ROBO2: variants seen among roughly 807,000 people sequenced by gnomAD.
ROBO2 encodes the protein roundabout homolog 2.
Under a neutral mutation model 160.8 loss-of-function variants are expected in ROBO2, and 53 were observed. The observed-to-expected ratio is 0.33, with a 90% CI of 0.26 to 0.41. The LOEUF (loss-of-function observed/expected upper bound fraction) is 0.41. ROBO2 is among the 10% of genes least tolerant of loss of function. ROBO2 has a pLI of 1.00. For synonymous variants in ROBO2, 664 were observed against 611.7 expected (o/e 1.09, Z -1.26); for missense variants, 1,577 against 1,722.4 (o/e 0.92, Z 1.49).
intron 4 of ROBO2, among the ~76,000 whole-genome samples, chr3:77,484,217 T>C (rs1331808346): frequency 6.6e-6 from 1 of 152,026 alleles, no homozygotes; most frequent in Admixed American, 6.6e-5. Context: ...GCCCAATCTA[T>C]ACACCTTCCT....
chr3:77,371,805 C>A (rs1047821302), intron 2 of ROBO2, among the ~76,000 whole-genome samples: 1 of 152,144 alleles, frequency 6.6e-6, no homozygotes, highest in African/African-American at 2.4e-5. Flanking sequence ...CGGGACCAGG[C>A]ATGTGTTACC....
At chr3:77,295,944 T>C (rs2062042205) in intron 2 of ROBO2, among the ~76,000 whole-genome samples, 1 of 111,274 alleles carries the variant, frequency 9.0e-6, no homozygotes, top group Non-Finnish European at 2.0e-5. Context: ...AAATTGATGG[T>C]TAAACGGGTA....
chr3:77,511,182 G>A (rs1025449685), intron 5 of ROBO2, among the ~76,000 whole-genome samples: 2 of 152,018 alleles, frequency 1.3e-5, no homozygotes, highest in South Asian at 2.1e-4. Context: ...GAACTTTACA[G>A]CTGGCCACAA....
At chr3:77,172,917 C>A (rs1298553065) in intron 2 of ROBO2, among the ~76,000 whole-genome samples, 1 of 152,206 alleles carries the variant, frequency 6.6e-6, no homozygotes, top group Non-Finnish European at 1.5e-5. Context: ...GACCCTCCTA[C>A]TTGTCAGAAC....
chr3:75,927,708 C>T (rs1353117069), intron 1 of ROBO2, among the ~76,000 whole-genome samples: 1 of 152,180 alleles, frequency 6.6e-6, no homozygotes, highest in Admixed American at 6.5e-5. Flanking sequence ...TTCCCAAATG[C>T]CAGCATGGCC....
intron 2 of ROBO2, among the ~76,000 whole-genome samples, chr3:76,226,602 C>T (rs992014276): frequency 6.6e-6 from 1 of 151,930 alleles, no homozygotes; most frequent in Non-Finnish European, 1.5e-5. Context: ...TTTTTATTGT[C>T]TCAAGTTAGA....
intron 2 of ROBO2, among the ~76,000 whole-genome samples, chr3:77,325,145 A>G (rs1261528863): frequency 1.3e-5 from 2 of 152,234 alleles, no homozygotes; most frequent in Non-Finnish European, 2.9e-5. Context: ...TACCACATGC[A>G]TAATGAAGTG....
rs935715135 is a variant in ROBO2, at chr3:76,563,105, AT to A, written c.110-534898del. ...TGCCTATCCTTTCTCAAACTGAAGG[AT>A]TTTTTTTTTTATGATGCTGTTCTGA... On this transcript the variant is annotated intron_variant, in intron 2 of 26. Transcript: ENST00000487694. Among the ~76,000 whole-genome samples, 250 of 147,456 alleles carry A rather than the reference AT, an allele frequency of 1.7e-3. 1 individual carries two copies. The highest frequency in any genetic ancestry group is 2.6e-3 in the East Asian group (13 of 5,044).
intron 2 of ROBO2, among the ~76,000 whole-genome samples, chr3:77,465,029 G>C (rs558783022): frequency 6.6e-6 from 1 of 151,880 alleles, no homozygotes; most frequent in African/African-American, 2.4e-5. Flanking sequence ...AGATTTTTTG[G>C]TTGTTGTTGC....
At chr3:77,022,412 C>T (rs1056000766) in intron 2 of ROBO2, among the ~76,000 whole-genome samples, 1 of 152,114 alleles carries the variant, frequency 6.6e-6, no homozygotes, top group Non-Finnish European at 1.5e-5. Flanking sequence ...TAAACAAAAT[C>T]AAATGAAAAC....
chr3:76,037,256 T>C (rs1206437737), intron 2 of ROBO2, among the ~76,000 whole-genome samples: 1 of 143,738 alleles, frequency 7.0e-6, no homozygotes, highest in Non-Finnish European at 1.5e-5. Flanking sequence ...ACATTTTCTT[T>C]TTTCTTTTTT....
intron 1 of ROBO2, among the ~76,000 whole-genome samples, chr3:75,928,192 GC>G: frequency 6.6e-6 from 1 of 150,962 alleles, no homozygotes; most frequent in East Asian, 2.0e-4. Flanking sequence ...CACCGTGTTA[GC>G]CAGGATGGTC....
chr3:77,048,431 T>A (rs889919114), intron 1 of ROBO2, among the ~76,000 whole-genome samples: 1 of 152,144 alleles, frequency 6.6e-6, no homozygotes, highest in East Asian at 1.9e-4. Flanking sequence ...CGAATGAAGA[T>A]AGTAAACAAG....
At chr3:77,612,783 A>G (rs2153699551) in intron 21 of ROBO2, among the ~76,000 whole-genome samples, 1 of 152,132 alleles carries the variant, frequency 6.6e-6, no homozygotes, top group East Asian at 1.9e-4. Flanking sequence ...CGTCTCTACT[A>G]AAAATGCAAA....
intron 2 of ROBO2, among the ~76,000 whole-genome samples, chr3:76,808,407 C>T (rs746435680): frequency 4.6e-5 from 7 of 152,092 alleles, no homozygotes; most frequent in Non-Finnish European, 1.0e-4. Context: ...GCACCTCCTT[C>T]CTCCTCTGTC....
intron 2 of ROBO2, among the ~76,000 whole-genome samples, chr3:76,407,236 G>A (rs770297933): frequency 2.1e-4 from 32 of 151,774 alleles, no homozygotes; most frequent in Non-Finnish European, 1.2e-4. Flanking sequence ...TTTCTCACCT[G>A]ATCTAAAGTA....
At chr3:76,451,990 A>C (rs572959212) in intron 2 of ROBO2, among the ~76,000 whole-genome samples, 1 of 152,258 alleles carries the variant, frequency 6.6e-6, no homozygotes, top group East Asian at 1.9e-4. Flanking sequence ...GTTATAGACC[A>C]AAGTTATTTC....
chr3:77,345,792 T>C (rs932469598), intron 2 of ROBO2, among the ~76,000 whole-genome samples: 1 of 152,176 alleles, frequency 6.6e-6, no homozygotes, highest in African/African-American at 2.4e-5. Context: ...GAGTGGTGAT[T>C]ATTTTCCAGT....
intron 2 of ROBO2, among the ~76,000 whole-genome samples, chr3:77,172,082 T>C (rs1415311724): frequency 6.6e-6 from 1 of 152,234 alleles, no homozygotes; most frequent in East Asian, 1.9e-4. Context: ...TATAGTTTTA[T>C]ACAGTCAAAT....
Sources: allele counts gnomAD v4.1 joint callset (sites outside exome capture counted in the v4.1 genomes callset), GRCh38; gene constraint gnomAD v4.1.1; transcripts MANE v1.5; gene names NCBI Gene and HGNC (gene_info 2026-07-23, HGNC 2026-07-21).